The following NEDD4L variants were observed in gnomAD, a reference collection of about 807,000 sequenced individuals.
The protein encoded by NEDD4L is NEDD4 like E3 ubiquitin protein ligase, also known as E3 ubiquitin-protein ligase NEDD4-like.
Under a neutral mutation model 148.9 loss-of-function variants are expected in NEDD4L, and 54 were observed. The observed-to-expected ratio is 0.36, with a 90% CI of 0.29 to 0.45. The LOEUF is 0.45. NEDD4L is among the 20% of genes least tolerant of loss of function. The pLI is 1.00. For missense variants in NEDD4L, 856 were observed against 1,233.8 expected (o/e 0.69, Z 4.59); for synonymous variants, 433 against 440.7 (o/e 0.98, Z 0.22).
rs1014700709 is a variant in NEDD4L, at chr18:58,377,534, C to T, written c.2352+4265C>T. On this transcript the variant is annotated intron_variant, in intron 24 of 30. Transcript: ENST00000400345. ...GGTAAGAATCTGGGGCTGCTGGTTT[C>T]TAGGGCCTAATATGAAAGTTTCCAC... 9.2e-5 allele frequency among the ~76,000 whole-genome samples: 14 copies of T among 152,124 alleles called. No homozygotes were observed. The East Asian group carries it at 2.3e-3, about 25-fold the overall frequency.
intron 2 of NEDD4L, among the ~76,000 whole-genome samples, chr18:58,172,341 G>A (rs527689471): frequency 2.0e-5 from 3 of 152,296 alleles, no homozygotes; most frequent in Admixed American, 2.0e-4. Context: ...GTGGGGCAGG[G>A]ACAAGTCCTT....
At chr18:58,140,449 A>G (rs1225355283) in intron 1 of NEDD4L, among the ~76,000 whole-genome samples, 1 of 152,048 alleles carries the variant, frequency 6.6e-6, no homozygotes, top group Non-Finnish European at 1.5e-5. Context: ...TGCTTCCTTC[A>G]TAGTAATCAG....
In NEDD4L at chr18:58,256,708, A is replaced by G; in HGVS notation, c.297+4654A>G. 1 of 1,232,262 alleles carries G rather than the reference A, an allele frequency of 8.1e-7. No individual in the cohort carries two copies. Among genetic ancestry groups the G allele is most frequent in the Non-Finnish European group, 1.0e-6 (1 of 988,082 alleles). 76.3% of individuals were successfully genotyped at this position (1,232,262 alleles called of 1,614,324 possible). A position where few individuals can be genotyped will look rare whatever the true frequency, so the allele number is the denominator to read the frequency against. On this transcript the variant is annotated intron_variant, in intron 5 of 30. Transcript: ENST00000400345. This position sits in a 1 kb window ranked among gnomAD's most constrained non-coding sequence, Gnocchi z 5.2. ...GAATTCTTGTAACCCGGGGGCCGGA[A>G]GAAGCTCCCCAGAATCCCGAGGAGA... is the stretch of plus-strand genomic sequence containing the variant.
At chr18:58,140,618 A>G (rs1255897279) in intron 1 of NEDD4L, among the ~76,000 whole-genome samples, 1 of 152,242 alleles carries the variant, frequency 6.6e-6, no homozygotes, top group East Asian at 1.9e-4. Flanking sequence ...TGCTTCCTTT[A>G]TAGTAATGAG....
intron 18 of NEDD4L, among the ~76,000 whole-genome samples, chr18:58,353,261 T>C (rs946354775): frequency 2.6e-5 from 4 of 152,230 alleles, no homozygotes; most frequent in Non-Finnish European, 5.9e-5. Context: ...TCCAGCACTC[T>C]GCCCAAACAT....
intron 1 of NEDD4L, among the ~76,000 whole-genome samples, chr18:58,152,667 G>A (rs1399915684): frequency 6.6e-6 from 1 of 152,134 alleles, no homozygotes; most frequent in Non-Finnish European, 1.5e-5. Context: ...CTGGAGATTC[G>A]GATTCTGGAA....
rs79588352 is a variant in NEDD4L at position 58,105,408 on chromosome 18, G to A, written c.49-60380G>A. 6.2e-3 allele frequency among the ~76,000 whole-genome samples: 939 copies of A among 152,298 alleles called. 13 individuals are homozygous for A. Among genetic ancestry groups the A allele is most frequent in the African/African-American group, 0.021 (860 of 41,570 alleles). ...TCTCCACCAGAGACTTGGGAGGGTA[G>A]GGGAGTGTGCCTTAGTCATTCTCGA... On this transcript the variant is annotated intron_variant, in intron 1 of 30. Transcript: ENST00000400345.
intron 2 of NEDD4L, among the ~76,000 whole-genome samples, chr18:58,174,738 G>A (rs1009284899): frequency 6.6e-6 from 1 of 152,038 alleles, no homozygotes; most frequent in African/African-American, 2.4e-5. Context: ...TTGATCCCTG[G>A]GTAAATGTGG....
At chr18:58,263,844 C>T (rs1033475049) in intron 5 of NEDD4L, among the ~76,000 whole-genome samples, 1 of 152,118 alleles carries the variant, frequency 6.6e-6, no homozygotes, top group Non-Finnish European at 1.5e-5. Flanking sequence ...AACAATCCAG[C>T]ACTTCTTCAA....
chr18:58,066,396 T>A (rs899924549), intron 1 of NEDD4L, among the ~76,000 whole-genome samples: 3 of 147,786 alleles, frequency 2.0e-5, no homozygotes, highest in African/African-American at 7.4e-5. Context: ...AGTTTTTTTT[T>A]TTTTTTTTTT....
chr18:58,214,800 A>T (rs111876941), intron 2 of NEDD4L, among the ~76,000 whole-genome samples: 36,976 of 122,988 alleles, frequency 0.3, 5,766 homozygotes, highest in East Asian at 0.49. Flanking sequence ...TCTTTCTTTC[A>T]TTTTTTTTTT....
chr18:58,138,010 T>C (rs1425172372), intron 1 of NEDD4L, among the ~76,000 whole-genome samples: 1 of 152,180 alleles, frequency 6.6e-6, no homozygotes, highest in Non-Finnish European at 1.5e-5. Flanking sequence ...GCCGTCCAGG[T>C]GGTCTGACCT....
chr18:58,180,498 C>G (rs1014109683), intron 2 of NEDD4L, among the ~76,000 whole-genome samples: 3 of 152,196 alleles, frequency 2.0e-5, no homozygotes, highest in Admixed American at 6.5e-5. Flanking sequence ...CTCCCTACCC[C>G]CTTTCTGTGC....
chr18:58,207,364 A>G (rs981071748), intron 2 of NEDD4L, among the ~76,000 whole-genome samples: 44 of 151,660 alleles, frequency 2.9e-4, no homozygotes, highest in Non-Finnish European at 4.7e-4. Flanking sequence ...GTTTATAGCC[A>G]ATGCAGCGTC....
chr18:58,161,435 CTTTT>C (rs55873387), intron 1 of NEDD4L, among the ~76,000 whole-genome samples: 199 of 140,264 alleles, frequency 1.4e-3, no homozygotes, highest in Middle Eastern at 7.5e-3. Context: ...TTTTCTTTTT[CTTTT>C]TTTTTTTTTT....
chr18:58,173,797 T>C (rs1229229452), intron 2 of NEDD4L, among the ~76,000 whole-genome samples: 2 of 152,238 alleles, frequency 1.3e-5, no homozygotes, highest in Non-Finnish European at 2.9e-5. Context: ...ATGGACTCTA[T>C]TACCTGATCC....
At chr18:58,309,346 A>G (rs1446254054) in intron 5 of NEDD4L, among the ~76,000 whole-genome samples, 1 of 152,088 alleles carries the variant, frequency 6.6e-6, no homozygotes, top group Non-Finnish European at 1.5e-5. Context: ...CTGCACAGTC[A>G]TCCCTGGCCT....
intron 5 of NEDD4L, among the ~76,000 whole-genome samples, chr18:58,276,273 A>G (rs1405453577): frequency 2.1e-5 from 3 of 143,744 alleles, no homozygotes; most frequent in East Asian, 4.1e-4. Flanking sequence ...GGCTGGAGCT[A>G]TCTCAGCTCA....
At chr18:58,263,841 C>T (rs1000650352) in intron 5 of NEDD4L, among the ~76,000 whole-genome samples, 1 of 152,066 alleles carries the variant, frequency 6.6e-6, no homozygotes, top group Admixed American at 6.6e-5. Flanking sequence ...CCAAACAATC[C>T]AGCACTTCTT....
Sources: allele counts gnomAD v4.1 joint callset (sites outside exome capture counted in the v4.1 genomes callset), GRCh38; gene constraint gnomAD v4.1.1; non-coding constraint Gnocchi (gnomAD v3.1); transcripts MANE v1.5; gene names NCBI Gene and HGNC (gene_info 2026-07-23, HGNC 2026-07-21).